The following GPR143 variants were observed in gnomAD, a reference collection of about 807,000 sequenced individuals.
GPR143 encodes the protein G protein-coupled receptor 143, also known as G-protein coupled receptor 143.
GPR143 carries 8 observed loss-of-function variants against 27.6 expected under a neutral mutation model. That is an observed-to-expected ratio of 0.29 (90% CI 0.17 to 0.52). The LOEUF is 0.52. Among genes scored for constraint, GPR143 ranks in the 20% least tolerant of loss-of-function variants. The pLI is 0.96. For synonymous variants in GPR143, 156 were observed against 153.2 expected (o/e 1.02, Z -0.13); for missense variants, 303 against 343.1 (o/e 0.88, Z 0.92).
At chrX:9,766,809 A>G (rs1312460015), upstream of GPR143, among the ~76,000 whole-genome samples, 4 of 109,096 alleles carry the variant, frequency 3.7e-5, no homozygotes, top group South Asian at 4.1e-4. Flanking sequence ...AGGTGGGAGG[A>G]TCACTTGAGC....
intron 1 of GPR143, among the ~76,000 whole-genome samples, chrX:9,762,252 C>T (rs1047093862): frequency 1.8e-5 from 2 of 108,629 alleles, no homozygotes; most frequent in African/African-American, 3.4e-5. Flanking sequence ...TAGCCAGGCA[C>T]GGTGGTGGGC....
intron 6 of GPR143, among the ~76,000 whole-genome samples, chrX:9,743,218 C>CA (rs35238066): frequency 0.012 from 453 of 36,745 alleles, 4 homozygotes; most frequent in Non-Finnish European, 0.014. Flanking sequence ...GACCCTGTCT[C>CA]AAAAAAAAAA....
chrX:9,738,335 T>C (rs1483604448), intron 8 of GPR143: 1 of 564,380 alleles, frequency 1.8e-6, no homozygotes, highest in Non-Finnish European at 2.1e-6. Flanking sequence ...TTTGCTTCAT[T>C]CCCTAGATGG....
At chrX:9,729,848 C>G (rs982995585) in intron 8 of GPR143, among the ~76,000 whole-genome samples, 1 of 112,312 alleles carries the variant, frequency 8.9e-6, no homozygotes, top group Non-Finnish European at 1.9e-5. Flanking sequence ...CTCTCAGCCC[C>G]ATGCAGATCT....
chrX:9,725,923 T>C, intron 8 of GPR143, 83 bp from the exon 9 acceptor site: 3 of 1,078,896 alleles, frequency 2.8e-6, no homozygotes, highest in Non-Finnish European at 3.6e-6. Flanking sequence ...CAGTATTCAG[T>C]GCATGGAGTT....
chrX:9,762,992 C>T (rs925864131), intron 1 of GPR143, among the ~76,000 whole-genome samples: 4 of 111,249 alleles, frequency 3.6e-5, no homozygotes, highest in Non-Finnish European at 7.5e-5. Context: ...CAGGCTGGAT[C>T]GTAGCTCACT....
intron 5 of GPR143, among the ~76,000 whole-genome samples, chrX:9,744,241 G>A (rs760596235): frequency 9.0e-6 from 1 of 111,448 alleles, no homozygotes; most frequent in Non-Finnish European, 1.9e-5. Flanking sequence ...GGAGGCTGGT[G>A]CACGAGAATC....
At chrX:9,736,405 T>C (rs1320670719) in intron 8 of GPR143, among the ~76,000 whole-genome samples, 2 of 111,142 alleles carry the variant, frequency 1.8e-5, no homozygotes, top group Non-Finnish European at 3.8e-5. Flanking sequence ...ATTCAAAGGG[T>C]GACTAGATGT....
chrX:9,747,217 C>T (rs146178100), intron 4 of GPR143, among the ~76,000 whole-genome samples: 3,210 of 109,908 alleles, frequency 0.029, 53 homozygotes, highest in Non-Finnish European at 0.047. Context: ...GAAGTGACTC[C>T]GATGCAAAGA....
chrX:9,770,315 G>GAAAAAGAAAAAGAA (rs760745847), upstream of GPR143, among the ~76,000 whole-genome samples: 2 of 96,423 alleles, frequency 2.1e-5, no homozygotes, highest in African/African-American at 8.2e-5. Context: ...GAGAAAGAAA[G>GAAAAAGAAAAAGAA]AAAGAAAAAG....
chrX:9,772,813 CAAAAAAAAAAA>C (rs57110568), intron 1 of GPR143, among the ~76,000 whole-genome samples: 12,800 of 50,353 alleles, frequency 0.25, 770 homozygotes, highest in Middle Eastern at 0.4. Flanking sequence ...GATCCTGTCT[CAAAAAAAAAAA>C]AAAAAAAAAA....
intron 1 of GPR143, among the ~76,000 whole-genome samples, chrX:9,765,222 C>G (rs189497684): frequency 9.4e-6 from 1 of 106,937 alleles, no homozygotes; most frequent in Admixed American, 9.8e-5. Context: ...ACCCGGGCAT[C>G]GATCCGGTCT....
chrX:9,731,800 G>GA (rs201427458), intron 8 of GPR143, among the ~76,000 whole-genome samples: 3,872 of 98,330 alleles, frequency 0.039, 205 homozygotes, highest in African/African-American at 0.13. Context: ...AAGGAATTGG[G>GA]GGGGGGGGGA....
intron 5 of GPR143, among the ~76,000 whole-genome samples, chrX:9,744,244 C>T (rs867064268): frequency 9.0e-6 from 1 of 110,841 alleles, no homozygotes; most frequent in African/African-American, 3.3e-5. Flanking sequence ...GGCTGGTGCA[C>T]GAGAATCCCT....
At chrX:9,727,521 C>T (rs2083333538) in intron 8 of GPR143, among the ~76,000 whole-genome samples, 1 of 113,367 alleles carries the variant, frequency 8.8e-6, no homozygotes, top group Admixed American at 9.3e-5. Flanking sequence ...CTGGGCGGGG[C>T]ATCACCAGCC....
At chrX:9,741,847 T>C (rs1297040676) in intron 6 of GPR143, among the ~76,000 whole-genome samples, 2 of 111,999 alleles carry the variant, frequency 1.8e-5, no homozygotes, top group Non-Finnish European at 1.9e-5. Flanking sequence ...GAGCTATGAA[T>C]GTGCCACTGC....
At chrX:9,761,672 T>C (rs1346672472) in intron 1 of GPR143, among the ~76,000 whole-genome samples, 1 of 112,843 alleles carries the variant, frequency 8.9e-6, no homozygotes, top group Non-Finnish European at 1.9e-5. Context: ...TTCTCAATAA[T>C]TTGCCTTTAA....
At chrX:9,742,909 C>T (rs1046833609) in intron 6 of GPR143, among the ~76,000 whole-genome samples, 4 of 111,292 alleles carry the variant, frequency 3.6e-5, no homozygotes, top group African/African-American at 1.3e-4. Context: ...GAGTTTGAGA[C>T]CAGCCTGGCC....
At chrX:9,757,303 C>G (rs1367244387) in intron 3 of GPR143, among the ~76,000 whole-genome samples, 1 of 111,737 alleles carries the variant, frequency 8.9e-6, no homozygotes, top group Non-Finnish European at 1.9e-5. Flanking sequence ...TACAAGGGCA[C>G]TGATCCCACT....
Sources: gnomAD v4.1 joint callset for allele counts (sites outside exome capture counted in the v4.1 genomes callset) on GRCh38, gnomAD v4.1.1 for gene constraint, MANE v1.5 for transcripts, NCBI Gene and HGNC (gene_info 2026-07-23, HGNC 2026-07-21) for gene names.